The following TESK2 variants were observed in gnomAD, a reference collection of about 807,000 sequenced individuals.
TESK2 encodes the protein testis associated actin remodelling kinase 2.
A neutral mutation model predicts 57.1 loss-of-function variants in TESK2; 39 were observed. The observed-to-expected ratio is 0.68, with a 90% confidence interval of 0.53 to 0.89. The LOEUF (loss-of-function observed/expected upper bound fraction) is 0.89, where lower values mean the gene tolerates loss of function less well. Among genes scored for constraint, TESK2 ranks in the 40% least tolerant of loss-of-function variants. The pLI is 0.00. For missense variants in TESK2, 646 were observed against 732.1 expected (o/e 0.88, Z 1.36); for synonymous variants, 249 against 267.9 (o/e 0.93, Z 0.69).
intron 4 of TESK2, among the ~76,000 whole-genome samples, chr1:45,371,930 T>C (rs1648204711): frequency 6.6e-6 from 1 of 151,798 alleles, no homozygotes; most frequent in Non-Finnish European, 1.5e-5. Context: ...TGAGTAGTTG[T>C]TGTTTAATGG....
chr1:45,345,588 C>A, intron 10 of TESK2, 30 bp from the exon 11 acceptor site: 1 of 1,569,068 alleles, frequency 6.4e-7, no homozygotes, highest in South Asian at 1.1e-5. Flanking sequence ...GGGTTACTCT[C>A]ACTAGTCATA....
chr1:45,485,258 G>A (rs1287870642), intron 1 of TESK2, among the ~76,000 whole-genome samples: 2 of 149,274 alleles, frequency 1.3e-5, no homozygotes, highest in African/African-American at 2.4e-5. Flanking sequence ...GCGCGATCTC[G>A]GCTCACTGAA....
At chr1:45,366,215 T>C (rs998703258) in intron 4 of TESK2, among the ~76,000 whole-genome samples, 1 of 151,888 alleles carries the variant, frequency 6.6e-6, no homozygotes, top group Non-Finnish European at 1.5e-5. Flanking sequence ...GCCTCCTGAG[T>C]AACTGGGATT....
At chr1:45,364,665 T>C (rs1451734097) in intron 4 of TESK2, among the ~76,000 whole-genome samples, 1 of 152,176 alleles carries the variant, frequency 6.6e-6, no homozygotes, top group Non-Finnish European at 1.5e-5. Flanking sequence ...TTTTGGAGGG[T>C]ACTGCAACAG....
chr1:45,415,427 C>T (rs1570705872), intron 3 of TESK2: 1 of 688,108 alleles, frequency 1.5e-6, no homozygotes, highest in East Asian at 2.6e-5. Flanking sequence ...CATTTGCTCG[C>T]AATATCCCAT....
At chr1:45,422,759 T>TGTTGTTGTTGTTGTTGTTGTTG (rs1553152259) in intron 2 of TESK2, among the ~76,000 whole-genome samples, 6 of 146,890 alleles carry the variant, frequency 4.1e-5, no homozygotes, top group African/African-American at 1.0e-4. Context: ...TGTCTGGTTT[T>TGTTGTTGTTGTTGTTGTTGTTG]TTGTTGTTGT....
intron 4 of TESK2, among the ~76,000 whole-genome samples, chr1:45,380,895 T>C (rs1013839782): frequency 2.6e-5 from 4 of 152,176 alleles, no homozygotes; most frequent in African/African-American, 7.2e-5. Flanking sequence ...ACAAATACTA[T>C]GCATGCTACA....
chr1:45,365,110 A>G (rs949854165), intron 4 of TESK2, among the ~76,000 whole-genome samples: 4 of 152,212 alleles, frequency 2.6e-5, no homozygotes, highest in Non-Finnish European at 4.4e-5. Flanking sequence ...GCTTGGGTTA[A>G]GGAAGAAAAG....
At chr1:45,387,817 G>A (rs1648963377) in intron 3 of TESK2, among the ~76,000 whole-genome samples, 1 of 152,130 alleles carries the variant, frequency 6.6e-6, no homozygotes, top group East Asian at 1.9e-4. Context: ...GACCACCCTG[G>A]CCAACATGGT....
intron 2 of TESK2, among the ~76,000 whole-genome samples, chr1:45,434,645 G>A (rs543373309): frequency 6.6e-6 from 1 of 152,094 alleles, no homozygotes; most frequent in South Asian, 2.1e-4. Context: ...TTCTGTTCAT[G>A]TCCTTTGCCC....
intron 1 of TESK2, among the ~76,000 whole-genome samples, chr1:45,479,144 T>C (rs983630316): frequency 2.6e-5 from 4 of 152,160 alleles, no homozygotes; most frequent in African/African-American, 9.7e-5. Context: ...CCAAAAAAAT[T>C]TTTAACATCC....
intron 4 of TESK2, among the ~76,000 whole-genome samples, chr1:45,364,508 C>G (rs955421515): frequency 3.9e-5 from 6 of 152,340 alleles, no homozygotes; most frequent in African/African-American, 1.4e-4. Flanking sequence ...GGACTTCCAG[C>G]CTTCAGAACT....
chr1:45,374,464 T>C lies in TESK2; in HGVS notation c.393+11448A>G, dbSNP rs916908325. 3.9e-5 allele frequency among the ~76,000 whole-genome samples: 6 copies of C among 152,268 alleles called. No homozygotes were observed. In the East Asian group the frequency reaches 1.2e-3, roughly 29 times the overall value. On this transcript the variant is annotated intron_variant, in intron 4 of 10. Coordinates refer to ENST00000372086, the MANE Select transcript of TESK2 (RefSeq NM_007170.3). ...TGTCATCTGTAAAATGGGAAAAATA[T>C]TACCTATTTCATAGGATTGCATGCT...
intron 9 of TESK2, 83 bp downstream of exon 9, chr1:45,346,610 T>C (rs922470545): frequency 2.5e-6 from 3 of 1,184,360 alleles, no homozygotes; most frequent in Non-Finnish European, 3.7e-6. Flanking sequence ...TGAAGCTAAT[T>C]AGCAGCCTCT....
chr1:45,427,784 G>T (rs548073323), intron 2 of TESK2, among the ~76,000 whole-genome samples: 3 of 152,128 alleles, frequency 2.0e-5, no homozygotes, highest in Non-Finnish European at 4.4e-5. Flanking sequence ...GGGGTGTGGG[G>T]GAGTGGGGGC....
At chr1:45,426,441 T>C (rs1485694559) in intron 2 of TESK2, among the ~76,000 whole-genome samples, 1 of 152,242 alleles carries the variant, frequency 6.6e-6, no homozygotes, top group Non-Finnish European at 1.5e-5. Context: ...TCTAGCCATA[T>C]GCAAAAATCT....
At chr1:45,420,510 G>C (rs1257104042) in intron 3 of TESK2, among the ~76,000 whole-genome samples, 3 of 151,418 alleles carry the variant, frequency 2.0e-5, no homozygotes. Context: ...ACCCACCTTG[G>C]CCTCCCAAAG....
chr1:45,386,541 G>A (rs755463057), intron 3 of TESK2, among the ~76,000 whole-genome samples: 8 of 152,016 alleles, frequency 5.3e-5, no homozygotes, highest in Middle Eastern at 3.2e-3. Flanking sequence ...ATTATTTCAA[G>A]AGTTTTAGGG....
intron 4 of TESK2, among the ~76,000 whole-genome samples, chr1:45,359,919 T>A (rs1272840626): frequency 3.3e-5 from 5 of 152,040 alleles, no homozygotes; most frequent in African/African-American, 1.2e-4. Flanking sequence ...AATTTAAATG[T>A]CATATATTTT....
Sources: allele counts gnomAD v4.1 joint callset (sites outside exome capture counted in the v4.1 genomes callset), GRCh38; gene constraint gnomAD v4.1.1; transcripts MANE v1.5; gene names NCBI Gene and HGNC (gene_info 2026-07-23, HGNC 2026-07-21).